Variants in BEAN1 observed in about 807,000 individuals in gnomAD.
BEAN1 encodes the protein brain expressed associated with NEDD4 1, also known as protein BEAN1.
Under a neutral mutation model 17.7 loss-of-function variants are expected in BEAN1, and 17 were observed. The ratio of observed to expected loss-of-function variants is 0.96; its 90% CI spans 0.66 to 1.44. The LOEUF is 1.44. BEAN1 is among the 40% of genes most tolerant of loss of function. The pLI, the probability that BEAN1 is intolerant of heterozygous loss-of-function variation, is 0.00. For synonymous variants in BEAN1, 142 were observed against 151.8 expected (o/e 0.94, Z 0.47); for missense variants, 359 against 374.1 (o/e 0.96, Z 0.33).
intron 2 of BEAN1, among the ~76,000 whole-genome samples, chr16:66,448,503 A>G (rs938197584): frequency 9.2e-5 from 14 of 152,346 alleles, no homozygotes; most frequent in Middle Eastern, 3.4e-3. Flanking sequence ...AGCTCAAGGA[A>G]TGTTCACAAA....
chr16:66,438,596 T>C (rs1466867440), intron 2 of BEAN1, among the ~76,000 whole-genome samples: 2 of 152,144 alleles, frequency 1.3e-5, no homozygotes, highest in African/African-American at 4.8e-5. Flanking sequence ...GTAGATGATC[T>C]TGCCCGTCGG....
At chr16:66,454,977 C>T (rs1434464542) in intron 2 of BEAN1, among the ~76,000 whole-genome samples, 1 of 152,110 alleles carries the variant, frequency 6.6e-6, no homozygotes, top group Non-Finnish European at 1.5e-5. Flanking sequence ...ACCTGACATT[C>T]AGTCTTTTTC....
downstream of BEAN1, chr16:66,484,780 A>G: frequency 2.2e-6 from 1 of 454,134 alleles, no homozygotes; most frequent in Non-Finnish European, 4.4e-6. This position sits in a 1 kb window ranked among gnomAD's most constrained non-coding sequence, Gnocchi z 4.2. Context: ...TCTGAGACAC[A>G]GAGTAGAACG....
intron 2 of BEAN1, among the ~76,000 whole-genome samples, chr16:66,468,238 G>A (rs1309042295): frequency 6.6e-6 from 1 of 152,220 alleles, no homozygotes; most frequent in Admixed American, 6.5e-5. Flanking sequence ...AAACTTTGGA[G>A]TGCCTAGCCC....
At chr16:66,465,244 T>C (rs1321101759) in intron 2 of BEAN1, among the ~76,000 whole-genome samples, 1 of 152,226 alleles carries the variant, frequency 6.6e-6, no homozygotes, top group Non-Finnish European at 1.5e-5. Flanking sequence ...ATAAATCGTA[T>C]CTAGTCCTAG....
At chr16:66,474,565 GGAGAGAGGGAGGGAGA>G (rs1567504946) in intron 3 of BEAN1, among the ~76,000 whole-genome samples, 24 of 89,328 alleles carry the variant, frequency 2.7e-4, no homozygotes, top group African/African-American at 8.8e-4. Context: ...AGAGAGGGAG[GGAGAGAGGGAGGGAGA>G]GAGGGAGGGA....
Position 66,469,654 on chromosome 16 carries a change from G to T in BEAN1, c.78G>T (p.Ser26=). Residue 26 remains serine, a synonymous_variant, in exon 3 of 5, where the codon TCG becomes TCT. Transcript: ENST00000536005. ...SYFYPTFSES[S]EHSHLLVSPV... ...TCTACCCCACATTCTCAGAGAGCTC[G>T]GAGCACAGCCATCTGCTCGTGTCCC... 1 of 1,535,956 alleles carries T rather than the reference G, an allele frequency of 6.5e-7. No individual in the cohort carries two copies. The highest frequency in any genetic ancestry group is 8.7e-7 in the Non-Finnish European group (1 of 1,146,804).
intron 2 of BEAN1, among the ~76,000 whole-genome samples, chr16:66,447,340 C>T (rs1479145718): frequency 1.3e-5 from 2 of 152,146 alleles, no homozygotes; most frequent in Non-Finnish European, 2.9e-5. Context: ...CTGGAGCAAA[C>T]GTATTTCAAT....
intron 2 of BEAN1, among the ~76,000 whole-genome samples, chr16:66,452,780 G>A (rs1426541301): frequency 2.0e-5 from 3 of 151,880 alleles, no homozygotes; most frequent in African/African-American, 7.3e-5. Context: ...ACCTCACGTG[G>A]CAGACTCACT....
chr16:66,446,039 C>T (rs996190286), intron 2 of BEAN1, among the ~76,000 whole-genome samples: 5 of 152,000 alleles, frequency 3.3e-5, no homozygotes, highest in African/African-American at 1.2e-4. Context: ...AAAAATTAGC[C>T]AGGTGTGGTG....
Position 66,433,583 on chromosome 16 carries a change from C to G in BEAN1, c.-82-4012C>G, listed in dbSNP as rs188613532. Among the ~76,000 whole-genome samples, 5 of 142,536 alleles carry G rather than the reference C, an allele frequency of 3.5e-5. No individual in the cohort carries two copies. In the East Asian group the frequency reaches 9.7e-4, roughly 28 times the overall value. The allele number at this position is 142,536 out of a possible 152,430, so 93.5% of individuals were successfully genotyped here. On this transcript the variant is annotated intron_variant, in intron 1 of 4. Transcript: ENST00000536005. Reference sequence around the variant, plus strand: ...CCTTCCTAAAGAGAGAATAGCTGAGCAATCCTGCTTCAAATCCTCCTAGGA... The same window carrying G: ...CCTTCCTAAAGAGAGAATAGCTGAGGAATCCTGCTTCAAATCCTCCTAGGA...
At chr16:66,492,493 G>A (rs2142490732) in intron 4 of BEAN1, among the ~76,000 whole-genome samples, 1 of 152,004 alleles carries the variant, frequency 6.6e-6, no homozygotes, top group African/African-American at 2.4e-5. Context: ...AGGCTGGAGA[G>A]CAGTGGTGCA....
downstream of BEAN1, chr16:66,483,975 T>C (rs547424862): frequency 1.3e-5 from 2 of 154,032 alleles, no homozygotes; most frequent in African/African-American, 2.4e-5. Context: ...AAGCCCCTCC[T>C]CTCACCTTGA....
intron 4 of BEAN1, among the ~76,000 whole-genome samples, chr16:66,489,821 C>T (rs996640990): frequency 3.9e-5 from 6 of 152,112 alleles, no homozygotes; most frequent in South Asian, 2.1e-4. Flanking sequence ...TGAACTATCA[C>T]GGTGCTACTC....
rs111709457 is a variant in BEAN1, at chr16:66,443,186, G to A, written c.25+5485G>A. ...AGTGTGACTTTGGAGTGAGCAAGGG[G>A]ATGGAGGGAGTGACTTCAGCCAGTG... is the stretch of plus-strand genomic sequence containing the variant. On this transcript the variant is annotated intron_variant, in intron 2 of 4. Coordinates refer to ENST00000536005, the MANE Select transcript of BEAN1 (RefSeq NM_001178020.3). Among the ~76,000 whole-genome samples, 701 of 152,354 alleles carry A rather than the reference G, an allele frequency of 4.6e-3. 3 individuals are homozygous for A. The highest frequency in any genetic ancestry group is 0.015 in the African/African-American group (635 of 41,580).
At chr16:66,464,700 G>A (rs1450035605) in intron 2 of BEAN1, among the ~76,000 whole-genome samples, 1 of 151,958 alleles carries the variant, frequency 6.6e-6, no homozygotes, top group Non-Finnish European at 1.5e-5. Context: ...TTTCATTTTA[G>A]GTTTGGTCAT....
chr16:66,482,912 A>G (rs1964029713), downstream of BEAN1: 1 of 456,052 alleles, frequency 2.2e-6, no homozygotes, highest in African/African-American at 2.0e-5. Flanking sequence ...GCTGGAGTGC[A>G]ATGGTATGAA....
chr16:66,468,854 G>C (rs374996353), intron 2 of BEAN1, among the ~76,000 whole-genome samples: 2 of 152,076 alleles, frequency 1.3e-5, no homozygotes, highest in African/African-American at 4.8e-5. Flanking sequence ...TAAGTCACCC[G>C]TCCCCAGGAG....
chr16:66,484,353 C>CA, downstream of BEAN1: 1 of 342,720 alleles, frequency 2.9e-6, no homozygotes, highest in East Asian at 7.6e-5. This position sits in a 1 kb window ranked among gnomAD's most constrained non-coding sequence, Gnocchi z 4.2. Context: ...GCTCCCACCA[C>CA]AAAGACTTAG....
Sources: allele counts gnomAD v4.1 joint callset (sites outside exome capture counted in the v4.1 genomes callset), GRCh38; gene constraint gnomAD v4.1.1; non-coding constraint Gnocchi (gnomAD v3.1); transcripts MANE v1.5; gene names NCBI Gene and HGNC (gene_info 2026-07-23, HGNC 2026-07-21).